HNRNPD: variants seen among roughly 807,000 people sequenced by gnomAD.
HNRNPD encodes the protein heterogeneous nuclear ribonucleoprotein D0.
A neutral mutation model predicts 47.9 loss-of-function variants in HNRNPD; 3 were observed. That is an observed-to-expected ratio of 0.06 (90% CI 0.03 to 0.16). HNRNPD has a LOEUF of 0.16. HNRNPD is among the 10% of genes least tolerant of loss of function. The pLI is 1.00. For synonymous variants in HNRNPD, 171 were observed against 165.1 expected, an observed-to-expected ratio of 1.04 and a Z score of -0.28; for missense variants, 287 against 454.2, an observed-to-expected ratio of 0.63 and a Z score of 3.35.
intron 7 of HNRNPD, chr4:82,356,166 T>C (rs1434562526): frequency 5.9e-6 from 1 of 168,606 alleles, no homozygotes; most frequent in East Asian, 1.7e-4. Context: ...TAGTTTTAAC[T>C]GGCAACATGT....
At chr4:82,355,551 T>C in intron 7 of HNRNPD, 150 bp from the exon 8 acceptor site, 2 of 628,168 alleles carry the variant, frequency 3.2e-6, no homozygotes, top group East Asian at 2.7e-5. Context: ...TATCAAATAA[T>C]TTACCAAATA....
rs1284445617 is a variant in HNRNPD at position 82,356,780 on chromosome 4, T to G, written c.853+16A>C. The stretch of plus-strand genomic sequence containing the variant: ...CAGAAAAGCTTAAGATAGAGTAAAC[T>G]TAGGCTCTAGCTTACCACCACCTCT... On this transcript the variant is annotated intron_variant, in intron 6 of 8. Coordinates refer to ENST00000313899, the MANE Select transcript of HNRNPD (RefSeq NM_031370.3). 1.2e-6 allele frequency: 2 copies of G among 1,612,322 alleles called. No homozygotes were observed. The highest frequency in any genetic ancestry group is 2.7e-5 in the African/African-American group (2 of 74,876).
At chr4:82,356,290 T>C (rs1304002128) in intron 7 of HNRNPD, 1 of 399,762 alleles carries the variant, frequency 2.5e-6, no homozygotes, top group Non-Finnish European at 4.4e-6. Context: ...GCTTAAAATT[T>C]TTAAATCCAA....
intron 2 of HNRNPD, among the ~76,000 whole-genome samples, chr4:82,371,285 G>A (rs747930011): frequency 6.6e-6 from 1 of 152,024 alleles, no homozygotes; most frequent in African/African-American, 2.4e-5. Flanking sequence ...TAATTGTTTA[G>A]CTTAAATTGC....
chr4:82,356,569 T>G lies in HNRNPD; in HGVS notation c.968A>C (p.Tyr323Ser). Residue 323 changes from tyrosine (Y) to serine (S), a missense_variant, in exon 7 of 9, where the codon TAC (tyrosine) becomes TCC (serine). Physicochemically the swap from Tyr to Ser is moderately radical, Grantham distance 144. Coordinates refer to ENST00000313899, the MANE Select transcript of HNRNPD (RefSeq NM_031370.3). Reference sequence around the variant, plus strand: ...ATCACCATATCCATAGTAGTTGTTGTAACCAGTGTAGTCATATCCTCCATA... The same window carrying G: ...ATCACCATATCCATAGTAGTTGTTGGAACCAGTGTAGTCATATCCTCCATA... ...GGYGGYDYTG[Y>S]NNYYGYGDYS... The G allele has an allele frequency of 6.2e-7, 1 of 1,610,362 alleles. No homozygotes were observed. The highest frequency in any genetic ancestry group is 8.5e-7 in the Non-Finnish European group (1 of 1,178,278).
intron 2 of HNRNPD, among the ~76,000 whole-genome samples, chr4:82,365,771 ATTT>A (rs80051188): frequency 4.7e-5 from 5 of 106,252 alleles, no homozygotes; most frequent in Admixed American, 2.1e-4. Flanking sequence ...GGCCCAGCTA[ATTT>A]TTTTTTTTTT....
intron 2 of HNRNPD, among the ~76,000 whole-genome samples, chr4:82,370,367 G>C (rs967182900): frequency 3.9e-5 from 6 of 152,062 alleles, no homozygotes; most frequent in African/African-American, 1.2e-4. Flanking sequence ...CAAATCACTG[G>C]AAACAATTAC....
chr4:82,373,373 C>A, intron 1 of HNRNPD, 73 bp downstream of exon 1: 2 of 1,511,178 alleles, frequency 1.3e-6, no homozygotes, highest in Non-Finnish European at 1.8e-6. Flanking sequence ...GGGAACCAGG[C>A]CTAATGGCGG....
intron 2 of HNRNPD, among the ~76,000 whole-genome samples, chr4:82,360,256 A>G (rs1723905338): frequency 1.3e-5 from 2 of 152,156 alleles, no homozygotes; most frequent in Admixed American, 6.6e-5. Context: ...AACTTAGATG[A>G]TTCGTTTACA....
At chr4:82,370,807 G>A (rs1380789546) in intron 2 of HNRNPD, among the ~76,000 whole-genome samples, 1 of 152,074 alleles carries the variant, frequency 6.6e-6, no homozygotes, top group Non-Finnish European at 1.5e-5. Context: ...GAGGGGAAAG[G>A]ATGGATAAAA....
intron 2 of HNRNPD, among the ~76,000 whole-genome samples, chr4:82,362,676 C>G (rs924946247): frequency 6.6e-6 from 1 of 152,158 alleles, no homozygotes; most frequent in African/African-American, 2.4e-5. Flanking sequence ...AATCTCAGCT[C>G]ACTGCAACCT....
intron 2 of HNRNPD, among the ~76,000 whole-genome samples, chr4:82,370,254 A>T (rs1315415565): frequency 6.6e-6 from 1 of 152,220 alleles, no homozygotes; most frequent in African/African-American, 2.4e-5. Context: ...TCCTGAGATT[A>T]TTCAAAAAAG....
rs1578062342 is a variant in HNRNPD, at chr4:82,373,900, G to A, written c.-222C>T. 9.3e-7 allele frequency: 1 copy of A among 1,080,650 alleles called. No individual in the cohort carries two copies. Among genetic ancestry groups the A allele is most frequent in the Non-Finnish European group, 1.3e-6 (1 of 799,634 alleles). 66.9% of individuals were successfully genotyped at this position (1,080,650 alleles called of 1,614,324 possible). On this transcript the variant is annotated 5_prime_UTR_variant, in exon 1 of 9. Coordinates refer to ENST00000313899, the MANE Select transcript of HNRNPD (RefSeq NM_031370.3). Reference sequence around the variant, plus strand: ...GCGGCGCACACTCCCGCTCTCTCCCGCTGCACTAAAAAAGAATAAGCACCA... The same window carrying A: ...GCGGCGCACACTCCCGCTCTCTCCCACTGCACTAAAAAAGAATAAGCACCA...
intron 1 of HNRNPD, 173 bp downstream of exon 1, chr4:82,373,273 G>A (rs552827648): frequency 1.0e-4 from 89 of 863,078 alleles, no homozygotes; most frequent in East Asian, 8.3e-4. Context: ...GGCAAAGGAA[G>A]AAGGAAATGA....
intron 2 of HNRNPD, among the ~76,000 whole-genome samples, chr4:82,366,921 G>T (rs552631221): frequency 6.6e-6 from 1 of 151,856 alleles, no homozygotes; most frequent in African/African-American, 2.4e-5. Flanking sequence ...CTCCATCATA[G>T]CTTCCTGCAG....
rs1411848857 is a variant in HNRNPD, at chr4:82,358,770, T to C, written c.510A>G (p.Lys170=). The part of the protein sequence containing the change: ...HKLNGKVIDP[K]RAKAMKTKEP... Reference sequence around the variant, plus strand: ...CTTTTGTTTTCATGGCTTTGGCCCTTTTAGGATCAATCACCTTCCCATTCA... The same window carrying C: ...CTTTTGTTTTCATGGCTTTGGCCCTCTTAGGATCAATCACCTTCCCATTCA... The change falls in exon 4 of 9, where the codon AAA becomes AAG. Residue 170 remains lysine (K), a synonymous_variant. Transcript: ENST00000313899. 2.5e-6 allele frequency: 4 copies of C among 1,612,536 alleles called. No homozygotes were observed. The South Asian group carries it at 4.4e-5, about 18-fold the overall frequency.
intron 4 of HNRNPD, chr4:82,357,787 G>C (rs1461229759): frequency 1.2e-5 from 2 of 173,694 alleles, no homozygotes; most frequent in South Asian, 2.8e-4. Flanking sequence ...GAGAAAACAG[G>C]AAGTAGGGTG....
intron 2 of HNRNPD, among the ~76,000 whole-genome samples, chr4:82,370,646 T>G (rs1719996896): frequency 6.6e-6 from 1 of 152,218 alleles, no homozygotes; most frequent in South Asian, 2.1e-4. Context: ...TCTTTAAATG[T>G]TACCCTAAAT....
rs1553896641 is a variant in HNRNPD at position 82,370,981 on chromosome 4, TAC to T, written c.290+545_290+546del. Reference sequence around the variant, plus strand: ...AGCCCACCTTTTAATGGTATATATATACACACACACACACACACACACACTTC... The same window carrying T: ...AGCCCACCTTTTAATGGTATATATATACACACACACACACACACACACTTC... On this transcript the variant is annotated intron_variant, in intron 2 of 8. Coordinates refer to ENST00000313899, the MANE Select transcript of HNRNPD (RefSeq NM_031370.3). Among the ~76,000 whole-genome samples, 729 of 149,454 alleles carry T rather than the reference TAC, an allele frequency of 4.9e-3. 14 individuals carry two copies. The East Asian group carries it at 0.062, about 13-fold the overall frequency.
Sources: gnomAD v4.1 joint callset for allele counts (sites outside exome capture counted in the v4.1 genomes callset) on GRCh38, gnomAD v4.1.1 for gene constraint, MANE v1.5 for transcripts, NCBI Gene and HGNC (gene_info 2026-07-23, HGNC 2026-07-21) for gene names.